The following PLGRKT variants were observed in gnomAD, a reference collection of about 807,000 sequenced individuals.
PLGRKT encodes the protein plasminogen receptor (KT).
A neutral mutation model predicts 18.5 loss-of-function variants in PLGRKT; 22 were observed. The ratio of observed to expected loss-of-function variants is 1.19; its 90% CI spans 0.85 to 1.70. The LOEUF is 1.70. Among genes scored for constraint, PLGRKT ranks in the 40% most tolerant of loss-of-function variants. The pLI is 0.00. For missense variants in PLGRKT, 235 were observed against 174.4 expected, an observed-to-expected ratio of 1.35 and a Z score of -1.96; for synonymous variants, 72 against 52.8, an observed-to-expected ratio of 1.36 and a Z score of -1.58.
chr9:5,361,184 C>A lies in PLGRKT; in HGVS notation c.216G>T (p.Ala72=). 6.3e-7 allele frequency: 1 copy of A among 1,580,192 alleles called. No individual in the cohort carries two copies. Among genetic ancestry groups the A allele is most frequent in the South Asian group, 1.1e-5 (1 of 89,188 alleles). Residue 72 remains alanine (A), a synonymous_variant, in exon 5 of 6, where the codon GCG becomes GCT. Transcript: ENST00000223864. ...GGAAGGCTGGCTTCTTTTTTTTAAT[C>A]GCTCTGTTTCAAGAATTAAAAGAAG... is the stretch of plus-strand genomic sequence containing the variant. ...GLAAISLTAG[A]IKKKKPAFLV...
chr9:5,364,507 A>T (rs987309123), intron 3 of PLGRKT, among the ~76,000 whole-genome samples: 1 of 152,208 alleles, frequency 6.6e-6, no homozygotes, highest in Admixed American at 6.5e-5. Flanking sequence ...AAATTTTACA[A>T]ATCAGCCAAA....
intron 3 of PLGRKT, among the ~76,000 whole-genome samples, chr9:5,424,521 A>ATATAT (rs571030703): frequency 0.22 from 27,800 of 126,698 alleles, 3,424 homozygotes; most frequent in Non-Finnish European, 0.27. Flanking sequence ...TAACATATAA[A>ATATAT]TATATATTAT....
At chr9:5,412,349 G>A (rs1011703725) in intron 3 of PLGRKT, among the ~76,000 whole-genome samples, 2 of 152,208 alleles carry the variant, frequency 1.3e-5, no homozygotes, top group African/African-American at 4.8e-5. Flanking sequence ...TATACAAGTT[G>A]CTATGGTTTG....
chr9:5,396,245 G>C (rs1025916181), intron 3 of PLGRKT, among the ~76,000 whole-genome samples: 1 of 151,536 alleles, frequency 6.6e-6, no homozygotes, highest in Non-Finnish European at 1.5e-5. Context: ...CTCTCAAGTG[G>C]ATTTTGGACA....
In PLGRKT at chr9:5,418,636, C is replaced by T; in HGVS notation, c.81+13261G>A. 3 of 703,826 alleles carry T rather than the reference C, an allele frequency of 4.3e-6. No individual in the cohort carries two copies. The highest frequency in any genetic ancestry group is 8.0e-6 in the Non-Finnish European group (3 of 376,568). The allele number at this position is 703,826 out of a possible 1,614,324, so 43.6% of individuals were successfully genotyped here. On this transcript the variant is annotated intron_variant, in intron 3 of 5. Transcript: ENST00000223864. This position sits in a 1 kb window ranked among gnomAD's most constrained non-coding sequence, Gnocchi z 4.2. ...GGGCAGCAGGTGGCGGCTCATATCT[C>T]CGGGCAGCAGCGCGTGCTCCTTGGA...
intron 3 of PLGRKT, among the ~76,000 whole-genome samples, chr9:5,367,865 C>A (rs547850464): frequency 2.6e-5 from 4 of 152,226 alleles, no homozygotes; most frequent in Non-Finnish European, 5.9e-5. Context: ...TATCCAGAAT[C>A]TATAAGGAAC....
intron 3 of PLGRKT, among the ~76,000 whole-genome samples, chr9:5,416,774 G>C (rs1429761477): frequency 6.6e-6 from 1 of 152,190 alleles, no homozygotes; most frequent in East Asian, 1.9e-4. Context: ...GCATGGAAGG[G>C]CTAGGCAGCC....
chr9:5,394,704 C>T (rs971998806), intron 3 of PLGRKT, among the ~76,000 whole-genome samples: 2 of 151,916 alleles, frequency 1.3e-5, no homozygotes, highest in African/African-American at 2.4e-5. Flanking sequence ...TAAGCCACTG[C>T]GTGACAGGGA....
intron 3 of PLGRKT, among the ~76,000 whole-genome samples, chr9:5,424,199 CATAAT>C (rs1288281819): frequency 7.4e-6 from 1 of 134,938 alleles, no homozygotes; most frequent in Non-Finnish European, 1.5e-5. Flanking sequence ...ATGTATAATA[CATAAT>C]ATATGTAATA....
At chr9:5,384,176 T>C (rs1817798639) in intron 3 of PLGRKT, among the ~76,000 whole-genome samples, 1 of 152,118 alleles carries the variant, frequency 6.6e-6, no homozygotes, top group African/African-American at 2.4e-5. Context: ...GTAAAAGCCA[T>C]TGTTGGGGGA....
intron 3 of PLGRKT, among the ~76,000 whole-genome samples, chr9:5,390,365 G>C (rs1817926267): frequency 6.6e-6 from 1 of 151,640 alleles, no homozygotes; most frequent in Non-Finnish European, 1.5e-5. Context: ...CCTCATGCTG[G>C]ACCAGTTTCA....
intron 2 of PLGRKT, among the ~76,000 whole-genome samples, chr9:5,432,579 C>T (rs938953169): frequency 1.3e-5 from 2 of 151,536 alleles, no homozygotes; most frequent in South Asian, 2.1e-4. Context: ...CTCGCTGCAA[C>T]CTCCCTGCCT....
chr9:5,361,915 A>C (rs376591137), intron 3 of PLGRKT, 27 bp from the exon 4 acceptor site: 39 of 1,602,206 alleles, frequency 2.4e-5, no homozygotes, highest in Non-Finnish European at 3.2e-5. Context: ...AGACAAAGTA[A>C]AGTTACTCAT....
At chr9:5,416,644 G>GA (rs1270326262) in intron 3 of PLGRKT, among the ~76,000 whole-genome samples, 17 of 150,502 alleles carry the variant, frequency 1.1e-4, no homozygotes, top group Admixed American at 3.3e-4. Context: ...CTTGAAGGAG[G>GA]AAAACAAAAA....
intron 3 of PLGRKT, among the ~76,000 whole-genome samples, chr9:5,411,193 G>A (rs1181440076): frequency 6.6e-6 from 1 of 151,898 alleles, no homozygotes; most frequent in Non-Finnish European, 1.5e-5. Context: ...AGATCAGCCT[G>A]GCCAATATGG....
chr9:5,424,693 CACA>C (rs1818660423), intron 3 of PLGRKT, among the ~76,000 whole-genome samples: 1 of 58,042 alleles, frequency 1.7e-5, no homozygotes, highest in Non-Finnish European at 3.4e-5. Flanking sequence ...TATATATATA[CACA>C]CAGGGGGGGG....
chr9:5,422,024 ATTTAT>A (rs1158284913), intron 3 of PLGRKT, among the ~76,000 whole-genome samples: 1 of 152,064 alleles, frequency 6.6e-6, no homozygotes, highest in Non-Finnish European at 1.5e-5. Context: ...AGAATCAAGC[ATTTAT>A]TTTGTTTCCT....
chr9:5,378,419 G>A (rs1044691803), intron 3 of PLGRKT, among the ~76,000 whole-genome samples: 7 of 152,234 alleles, frequency 4.6e-5, no homozygotes, highest in South Asian at 2.1e-4. Flanking sequence ...TGATAACACC[G>A]CACACAATAT....
intron 3 of PLGRKT, among the ~76,000 whole-genome samples, chr9:5,428,607 C>A (rs1294686000): frequency 6.6e-6 from 1 of 152,228 alleles, no homozygotes; most frequent in South Asian, 2.1e-4. Context: ...CTGCCCCTCT[C>A]CCCTAGCTGG....
Sources: allele counts gnomAD v4.1 joint callset (sites outside exome capture counted in the v4.1 genomes callset), GRCh38; gene constraint gnomAD v4.1.1; non-coding constraint Gnocchi (gnomAD v3.1); transcripts MANE v1.5; gene names NCBI Gene and HGNC (gene_info 2026-07-23, HGNC 2026-07-21).